RPRD2: variants seen among roughly 807,000 people sequenced by gnomAD.
The protein encoded by RPRD2 is regulation of nuclear pre-mRNA domain-containing protein 2.
In RPRD2, 12 loss-of-function variants were observed where a neutral mutation model predicts 104.4. That is an observed-to-expected ratio of 0.11 (90% confidence interval 0.07 to 0.19). The LOEUF (loss-of-function observed/expected upper bound fraction) is 0.19, where lower values mean the gene tolerates loss of function less well. Ranked by LOEUF, RPRD2 falls within the 10% of genes least tolerant of loss-of-function variation. The pLI is 1.00. For synonymous variants in RPRD2, 714 were observed against 684.9 expected (o/e 1.04, Z -0.66); for missense variants, 1,543 against 1,790.1 (o/e 0.86, Z 2.49).
chr1:150,414,741 G>C (rs782566407), intron 1 of RPRD2, among the ~76,000 whole-genome samples: 1 of 152,048 alleles, frequency 6.6e-6, no homozygotes, highest in Non-Finnish European at 1.5e-5. Flanking sequence ...TGAACTGTTC[G>C]CAACATAAAT....
chr1:150,457,849 T>G (rs7539458), intron 8 of RPRD2, among the ~76,000 whole-genome samples: 45,341 of 151,994 alleles, frequency 0.3, 8,205 homozygotes, highest in Non-Finnish European at 0.4. Context: ...GGCAGGTGGA[T>G]CACCTGAGGT....
chr1:150,369,296 G>T (rs955735049), intron 1 of RPRD2, among the ~76,000 whole-genome samples: 2 of 151,956 alleles, frequency 1.3e-5, no homozygotes, highest in Admixed American at 1.3e-4. Context: ...GTGGGGAGGT[G>T]GGGGAGGGAC....
rs1553895129 is a variant in RPRD2 at position 150,444,266 on chromosome 1, G to A, written c.583G>A (p.Glu195Lys). The A allele has an allele frequency of 6.2e-7, 1 of 1,613,400 alleles. No individual in the cohort carries two copies. The highest frequency in any genetic ancestry group is 8.5e-7 in the Non-Finnish European group (1 of 1,179,650). The change falls in exon 6 of 11, where the codon GAA becomes AAA. Residue 195 changes from glutamate to lysine, a missense_variant. By Grantham distance (56) the Glu-to-Lys change is moderately conservative. Coordinates refer to ENST00000369068, the MANE Select transcript of RPRD2 (RefSeq NM_015203.5). ...CTGTGTTTAGTCTCAGGCCCTAATT[G>A]AAGAGCTGTTGCTATACAAGCGCTC... ...VAEFRSQALI[E>K]ELLLYKRSED...
intron 2 of RPRD2, among the ~76,000 whole-genome samples, chr1:150,436,066 A>G (rs1230542360): frequency 1.3e-5 from 2 of 151,956 alleles, no homozygotes; most frequent in African/African-American, 4.8e-5. Context: ...GTGACAGCAC[A>G]TCTGTTTACA....
chr1:150,374,339 C>T (rs1330010327), intron 1 of RPRD2, among the ~76,000 whole-genome samples: 1 of 152,220 alleles, frequency 6.6e-6, no homozygotes, highest in Non-Finnish European at 1.5e-5. Flanking sequence ...ACCTTGCCCC[C>T]TCCATCTCTT....
At position 150,364,753 on chromosome 1, in the gene RPRD2, C is replaced by G; in HGVS notation, c.39C>G (p.Ser13=). ...GCGGCGGAGGCAGCAGTAAGGCCTC[C>G]TCCTCGTCGGCCTCTTCGGCAGGGG... ...AGGGGGSSKA[S]SSSASSAGAL... The change falls in exon 1 of 11, where the codon TCC becomes TCG. Residue 13 remains serine, a synonymous_variant. Coordinates refer to ENST00000369068, the MANE Select transcript of RPRD2 (RefSeq NM_015203.5). 1 of 1,599,296 alleles carries G rather than the reference C, an allele frequency of 6.3e-7. No homozygotes were observed.
chr1:150,444,131 T>G, intron 5 of RPRD2, 120 bp from the exon 6 acceptor site: 1 of 964,512 alleles, frequency 1.0e-6, no homozygotes, highest in Non-Finnish European at 1.5e-6. Flanking sequence ...TCCCAGGGTT[T>G]TGTTAAGCTT....
At chr1:150,423,361 A>G (rs587610009) in intron 2 of RPRD2, among the ~76,000 whole-genome samples, 4 of 152,282 alleles carry the variant, frequency 2.6e-5, no homozygotes, top group South Asian at 2.1e-4. Flanking sequence ...TTGTGTCAGG[A>G]TGGTGTAAGA....
intron 1 of RPRD2, among the ~76,000 whole-genome samples, chr1:150,383,306 G>GGTTTTTTT (rs1553881150): frequency 2.4e-5 from 3 of 126,740 alleles, no homozygotes; most frequent in Non-Finnish European, 3.3e-5. Flanking sequence ...CAAATAAGAG[G>GGTTTTTTT]TTTTTTTTTT....
chr1:150,471,539 C>G lies in RPRD2; in HGVS notation c.2591C>G (p.Ser864Cys), dbSNP rs1307114364. The G allele has an allele frequency of 5.0e-6, 8 of 1,613,808 alleles. No homozygotes were observed. The highest frequency in any genetic ancestry group is 1.3e-5 in the African/African-American group (1 of 74,880). Reference protein sequence around the residue: ...AKSILKSSKLSDTTEYQPILS... With the variant: ...AKSILKSSKLCDTTEYQPILS... Reference sequence around the variant, plus strand: ...TCTATCCTGAAATCAAGCAAGCTGTCTGATACCACCGAGTACCAGCCAATT... The same window carrying G: ...TCTATCCTGAAATCAAGCAAGCTGTGTGATACCACCGAGTACCAGCCAATT... Residue 864 changes from serine to cysteine, a missense_variant, in exon 11 of 11, where the codon TCT (serine) becomes TGT (cysteine). Coordinates refer to ENST00000369068, the MANE Select transcript of RPRD2 (RefSeq NM_015203.5). This position sits in a 1 kb window ranked among gnomAD's most constrained non-coding sequence, Gnocchi z 5.3.
intron 1 of RPRD2, among the ~76,000 whole-genome samples, chr1:150,412,029 A>G (rs950290992): frequency 2.0e-5 from 3 of 152,022 alleles, no homozygotes; most frequent in African/African-American, 7.3e-5. Flanking sequence ...AGGCTGAGGC[A>G]CAAGAATCAC....
chr1:150,427,998 AAACT>A (rs1665277966), intron 2 of RPRD2, among the ~76,000 whole-genome samples: 1 of 152,148 alleles, frequency 6.6e-6, no homozygotes, highest in Non-Finnish European at 1.5e-5. Flanking sequence ...AAGACACAAA[AAACT>A]AATAAAAATT....
At chr1:150,446,022 C>T (rs1342053072) in intron 6 of RPRD2, among the ~76,000 whole-genome samples, 3 of 146,612 alleles carry the variant, frequency 2.0e-5, no homozygotes, top group Non-Finnish European at 4.5e-5. Flanking sequence ...CAGCTGAGAT[C>T]GCGCCACTGC....
At chr1:150,461,855 C>T (rs1222159735) in intron 9 of RPRD2, among the ~76,000 whole-genome samples, 1 of 152,112 alleles carries the variant, frequency 6.6e-6, no homozygotes, top group Non-Finnish European at 1.5e-5. Context: ...TGGCGGGCGC[C>T]TGTAGTCCCA....
At chr1:150,391,325 A>C (rs1662046049) in intron 1 of RPRD2, among the ~76,000 whole-genome samples, 1 of 152,110 alleles carries the variant, frequency 6.6e-6, no homozygotes, top group Non-Finnish European at 1.5e-5. Context: ...TAATTCATTT[A>C]TTTATTTTTG....
At chr1:150,444,916 A>G (rs116303754) in intron 6 of RPRD2, among the ~76,000 whole-genome samples, 2,094 of 152,330 alleles carry the variant, frequency 0.014, 54 homozygotes, top group African/African-American at 0.048. Context: ...TTAACAGACC[A>G]GACACAGTGC....
At chr1:150,372,731 A>C (rs1289261453) in intron 1 of RPRD2, among the ~76,000 whole-genome samples, 1 of 152,184 alleles carries the variant, frequency 6.6e-6, no homozygotes, top group East Asian at 1.9e-4. Flanking sequence ...CAATATAGAC[A>C]TGAGGGTATG....
In RPRD2 at chr1:150,446,281, G is replaced by T; in HGVS notation, c.750G>T (p.Leu250=). ...AATTTGAAGAGGCAAGCTCCAAGCT[G>T]GAAGAATTTGTGAATGGATTAGATA... ...SKEFEEASSK[L]EEFVNGLDKQ... Residue 250 remains leucine, a synonymous_variant, in exon 7 of 11, where the codon CTG becomes CTT. Transcript: ENST00000369068. The T allele has an allele frequency of 6.2e-7, 1 of 1,609,332 alleles. No homozygotes were observed. Among genetic ancestry groups the T allele is most frequent in the East Asian group, 2.2e-5 (1 of 44,738 alleles).
chr1:150,473,211 T>C lies in RPRD2; in HGVS notation c.4263T>C (p.Phe1421=), dbSNP rs1465310354. 8 of 1,613,978 alleles carry C rather than the reference T, an allele frequency of 5.0e-6. No individual in the cohort carries two copies. Among genetic ancestry groups the C allele is most frequent in the South Asian group, 4.4e-5 (4 of 91,084 alleles). ...GIILRSPRPD[F]RPREPFLSRD... is the part of the protein sequence containing the mutation. Reference sequence around the variant, plus strand: ...TCTTACGGAGTCCCCGGCCAGACTTTCGGCCTAGGGAACCTTTTCTCAGCA... The same window carrying C: ...TCTTACGGAGTCCCCGGCCAGACTTCCGGCCTAGGGAACCTTTTCTCAGCA... The change falls in exon 11 of 11, where the codon TTT becomes TTC. Residue 1421 remains phenylalanine, a synonymous_variant. Coordinates refer to ENST00000369068, the MANE Select transcript of RPRD2 (RefSeq NM_015203.5).
Sources: allele counts gnomAD v4.1 joint callset (sites outside exome capture counted in the v4.1 genomes callset), GRCh38; gene constraint gnomAD v4.1.1; non-coding constraint Gnocchi (gnomAD v3.1); transcripts MANE v1.5; gene names NCBI Gene and HGNC (gene_info 2026-07-23, HGNC 2026-07-21).